The following DNAH11 variants were observed in gnomAD, a reference collection of about 807,000 sequenced individuals.
The protein encoded by DNAH11 is axonemal beta dynein heavy chain 11.
In DNAH11, 442 loss-of-function variants were observed where a neutral mutation model predicts 526.0. The observed-to-expected ratio is 0.84, with a 90% CI of 0.78 to 0.91. The LOEUF (loss-of-function observed/expected upper bound fraction) is 0.91, where lower values mean the gene tolerates loss of function less well. DNAH11 is among the 40% of genes least tolerant of loss of function. DNAH11 has a pLI of 0.00. For missense variants in DNAH11, 6,989 were observed against 5,448.7 expected (o/e 1.28, Z -8.90); for synonymous variants, 2,461 against 1,935.9 (o/e 1.27, Z -7.12).
chr7:21,717,673 A>G, intron 42 of DNAH11, 102 bp from the exon 43 acceptor site: 3 of 1,365,318 alleles, frequency 2.2e-6, no homozygotes, highest in Non-Finnish European at 2.0e-6. Flanking sequence ...GTGTCCTTGA[A>G]GTGTTGCACC....
intron 61 of DNAH11, among the ~76,000 whole-genome samples, chr7:21,789,654 A>T (rs1052177095): frequency 6.6e-6 from 1 of 152,130 alleles, no homozygotes; most frequent in African/African-American, 2.4e-5. Flanking sequence ...TCTGGCTTAT[A>T]TCTTGGCTCC....
chr7:21,612,752 T>C (rs1258370403), intron 20 of DNAH11, among the ~76,000 whole-genome samples: 1 of 152,080 alleles, frequency 6.6e-6, no homozygotes, highest in Non-Finnish European at 1.5e-5. Flanking sequence ...TATAGATCAG[T>C]CTTTCTCACG....
intron 54 of DNAH11, 99 bp from the exon 55 acceptor site, chr7:21,765,329 A>C: frequency 6.5e-7 from 1 of 1,548,756 alleles, no homozygotes; most frequent in Non-Finnish European, 8.8e-7. Flanking sequence ...TTAATGTCAC[A>C]GTTGGCTGCA....
intron 35 of DNAH11, among the ~76,000 whole-genome samples, chr7:21,695,422 G>T (rs1411427584): frequency 1.3e-5 from 2 of 152,080 alleles, no homozygotes; most frequent in Non-Finnish European, 2.9e-5. Context: ...CAGAACGGAG[G>T]CCTCAGAAAT....
intron 79 of DNAH11, 88 bp from the exon 80 acceptor site, chr7:21,899,248 C>T: frequency 1.9e-6 from 2 of 1,025,968 alleles, no homozygotes; most frequent in East Asian, 2.4e-5. Context: ...TCCACCACCA[C>T]CCTGCCCTAA....
intron 65 of DNAH11, among the ~76,000 whole-genome samples, chr7:21,833,915 A>C (rs1373977191): frequency 4.6e-5 from 7 of 152,186 alleles, no homozygotes; most frequent in Admixed American, 4.6e-4. Context: ...AGGGGACCTC[A>C]GCACCTTACT....
chr7:21,681,437 A>G, intron 30 of DNAH11, 109 bp from the exon 31 acceptor site: 2 of 1,223,372 alleles, frequency 1.6e-6, no homozygotes, highest in Non-Finnish European at 2.2e-6. Flanking sequence ...AAAAAAAAAA[A>G]GAAATTGTTT....
intron 65 of DNAH11, among the ~76,000 whole-genome samples, chr7:21,818,934 AT>A (rs59176113): frequency 6.6e-6 from 1 of 152,132 alleles, no homozygotes. Context: ...AGAGACTGCC[AT>A]TCCCCCAAGA....
Position 21,717,792 on chromosome 7 carries a change from T to A in DNAH11, c.7001T>A (p.Ile2334Lys), listed in dbSNP as rs1166915949. 3 of 1,613,730 alleles carry A rather than the reference T, an allele frequency of 1.9e-6. No homozygotes were observed. The highest frequency in any genetic ancestry group is 2.5e-6 in the Non-Finnish European group (3 of 1,179,820). ...CTTTTCAGGTATGTGGCCAGTTGGA[T>A]AGACAGAAGGCGGCATCAATCAGAA... ...LGWNPYVASW[I>K]DRRRHQSEKA... The change falls in exon 43 of 82, where the codon ATA becomes AAA. Residue 2334 changes from isoleucine (I) to lysine (K), a missense_variant. Ile to Lys is a moderately radical substitution (Grantham distance 102). Transcript: ENST00000409508.
chr7:21,770,207 A>AT (rs943114122), intron 55 of DNAH11, among the ~76,000 whole-genome samples: 23 of 151,634 alleles, frequency 1.5e-4, no homozygotes, highest in South Asian at 4.2e-4. Context: ...TGGGTTTCAG[A>AT]TTTTTTTTTG....
chr7:21,567,705 T>C (rs1172246841), intron 6 of DNAH11, among the ~76,000 whole-genome samples: 3 of 152,260 alleles, frequency 2.0e-5, no homozygotes, highest in Non-Finnish European at 4.4e-5. Context: ...CTTGACCCTA[T>C]GACGGGAATG....
At chr7:21,860,151 T>A (rs1053694799) in intron 68 of DNAH11, among the ~76,000 whole-genome samples, 3 of 152,020 alleles carry the variant, frequency 2.0e-5, no homozygotes, top group African/African-American at 7.2e-5. Flanking sequence ...CCAGGCTGGA[T>A]GACAGAATGA....
At position 21,585,385 on chromosome 7, in the gene DNAH11, G is replaced by A. The variant is rs556684570; in HGVS notation, c.1711-2679G>A. 1.2e-4 allele frequency among the ~76,000 whole-genome samples: 18 copies of A among 152,188 alleles called. 1 individual carries two copies. The highest frequency in any genetic ancestry group is 2.1e-4 in the South Asian group (1 of 4,810). On this transcript the variant is annotated intron_variant, in intron 9 of 81. Coordinates refer to ENST00000409508, the MANE Select transcript of DNAH11 (RefSeq NM_001277115.2). ...ACTTAGAAAAATATTGCATCCATAG[G>A]GATAGAATGATGAGCTCAGACCATT...
intron 30 of DNAH11, among the ~76,000 whole-genome samples, chr7:21,662,832 A>T (rs9632597): frequency 2.0e-5 from 3 of 152,110 alleles, no homozygotes; most frequent in Middle Eastern, 3.2e-3. Flanking sequence ...AAATTTTTTT[A>T]AATTTTATTT....
At chr7:21,790,938 A>G (rs1788454663) in intron 61 of DNAH11, among the ~76,000 whole-genome samples, 2 of 152,262 alleles carry the variant, frequency 1.3e-5, no homozygotes, top group Non-Finnish European at 2.9e-5. Flanking sequence ...TTAATGATAC[A>G]ACCAAAGTGA....
intron 30 of DNAH11, among the ~76,000 whole-genome samples, chr7:21,663,729 T>TG (rs1782321460): frequency 6.6e-6 from 1 of 151,140 alleles, no homozygotes; most frequent in African/African-American, 2.4e-5. Context: ...CATAATGTCC[T>TG]CCTGATTGTC....
chr7:21,766,376 C>T (rs988995350), intron 55 of DNAH11, among the ~76,000 whole-genome samples: 1 of 152,160 alleles, frequency 6.6e-6, no homozygotes, highest in Non-Finnish European at 1.5e-5. Flanking sequence ...TCCCAGGGAG[C>T]TTTGTCTTCT....
chr7:21,590,800 T>G (rs1784645750), intron 12 of DNAH11, 118 bp from the exon 13 acceptor site: 1 of 633,746 alleles, frequency 1.6e-6, no homozygotes, highest in Non-Finnish European at 2.4e-6. Context: ...TCTATTTACC[T>G]TGATTTGGAA....
chr7:21,594,609 T>C (rs1323630091), intron 14 of DNAH11, among the ~76,000 whole-genome samples: 1 of 151,924 alleles, frequency 6.6e-6, no homozygotes, highest in Non-Finnish European at 1.5e-5. Context: ...GAAGGTGAAA[T>C]TTGAACAAAG....
Sources: allele counts gnomAD v4.1 joint callset (sites outside exome capture counted in the v4.1 genomes callset), GRCh38; gene constraint gnomAD v4.1.1; transcripts MANE v1.5; gene names NCBI Gene and HGNC (gene_info 2026-07-23, HGNC 2026-07-21).